Variants in SYNE2 observed in about 807,000 individuals in gnomAD.
The protein encoded by SYNE2 is spectrin repeat containing nuclear envelope protein 2.
A neutral mutation model predicts 856.3 loss-of-function variants in SYNE2; 431 were observed. That is an observed-to-expected ratio of 0.50 (90% CI 0.47 to 0.55). The LOEUF is 0.55. SYNE2 is among the 20% of genes least tolerant of loss of function. The pLI, the probability that SYNE2 is intolerant of heterozygous loss-of-function variation, is 0.00. For missense variants in SYNE2, 8,129 were observed against 8,023.2 expected, an observed-to-expected ratio of 1.01 and a Z score of -0.50; for synonymous variants, 2,923 against 2,872.3, an observed-to-expected ratio of 1.02 and a Z score of -0.56.
chr14:63,827,172 G>A (rs549462460), intron 1 of SYNE2, among the ~76,000 whole-genome samples: 2 of 151,938 alleles, frequency 1.3e-5, no homozygotes. Context: ...CAGCTACTTG[G>A]GAAGGTGACA....
At chr14:64,135,991 A>G (rs1284728375) in intron 78 of SYNE2, among the ~76,000 whole-genome samples, 2 of 152,176 alleles carry the variant, frequency 1.3e-5, no homozygotes, top group African/African-American at 2.4e-5. Flanking sequence ...TATCCCATGC[A>G]TACAATCGGT....
intron 1 of SYNE2, among the ~76,000 whole-genome samples, chr14:63,868,516 G>A (rs938881622): frequency 2.0e-5 from 3 of 150,750 alleles, no homozygotes; most frequent in African/African-American, 4.9e-5. Flanking sequence ...TGAAATCTTA[G>A]TAATAAACCC....
intron 1 of SYNE2, among the ~76,000 whole-genome samples, chr14:63,902,109 T>C (rs1478664801): frequency 6.6e-6 from 1 of 152,078 alleles, no homozygotes; most frequent in Admixed American, 6.5e-5. Context: ...TTATTCACTT[T>C]TAAGAGTAGT....
intron 102 of SYNE2, 152 bp downstream of exon 102, chr14:64,209,730 CTTTGCAAGACATTGCTGATG>C: frequency 8.1e-7 from 1 of 1,229,470 alleles, no homozygotes; most frequent in East Asian, 2.5e-5. Context: ...GCTGAGACAG[CTTTGCAAGACATTGCTGATG>C]TACTCCAGCT....
chr14:64,101,925 G>A lies in SYNE2; in HGVS notation c.12382-7G>A. On this transcript the variant is annotated splice_region_variant and splice_polypyrimidine_tract_variant and intron_variant, in intron 63 of 115. Coordinates refer to ENST00000555002, the MANE Select transcript of SYNE2 (RefSeq NM_182914.3). ...TCCCTTTGCTAACCAATCGTTTACT[G>A]TGATAGAATGGAGATGAGAAGGCAG... The A allele has an allele frequency of 6.2e-7, 1 of 1,607,994 alleles. No homozygotes were observed. The highest frequency in any genetic ancestry group is 8.5e-7 in the Non-Finnish European group (1 of 1,174,408).
intron 45 of SYNE2, among the ~76,000 whole-genome samples, chr14:64,032,763 G>A (rs2097050693): frequency 6.6e-6 from 1 of 152,136 alleles, no homozygotes. Context: ...GTAGAAGATG[G>A]GGTTTCTCTA....
intron 57 of SYNE2, among the ~76,000 whole-genome samples, chr14:64,085,868 TGTTGA>T (rs1337967219): frequency 6.6e-6 from 1 of 152,244 alleles, no homozygotes; most frequent in Non-Finnish European, 1.5e-5. Flanking sequence ...ATTGTCTTCT[TGTTGA>T]GTTGTAAGTT....
intron 103 of SYNE2, among the ~76,000 whole-genome samples, chr14:64,211,319 C>G (rs975364953): frequency 6.6e-6 from 1 of 152,228 alleles, no homozygotes; most frequent in African/African-American, 2.4e-5. Flanking sequence ...TGTGGCTAAT[C>G]TGCCTTCGTT....
Position 64,089,700 on chromosome 14 carries a change from A to G in SYNE2, c.11793+4A>G, listed in dbSNP as rs2097592556. The G allele has an allele frequency of 6.4e-7, 1 of 1,555,152 alleles. No homozygotes were observed. Among genetic ancestry groups the G allele is most frequent in the South Asian group, 1.1e-5 (1 of 89,002 alleles). On this transcript the variant is annotated splice_donor_region_variant and intron_variant, in intron 59 of 115. Coordinates refer to ENST00000555002, the MANE Select transcript of SYNE2 (RefSeq NM_182914.3). Reference sequence around the variant, plus strand: ...AGAACATCTCAAACATGGGGAGGTAAGCATAGATTATTATTTAAAGTATTT... The same window carrying G: ...AGAACATCTCAAACATGGGGAGGTAGGCATAGATTATTATTTAAAGTATTT...
intron 1 of SYNE2, among the ~76,000 whole-genome samples, chr14:63,897,920 G>A (rs1416504450): frequency 1.3e-5 from 2 of 152,140 alleles, no homozygotes; most frequent in Non-Finnish European, 2.9e-5. Context: ...GAGGAACAGC[G>A]AGCATGTTTT....
chr14:64,014,927 C>T (rs1192052369), intron 32 of SYNE2, among the ~76,000 whole-genome samples: 1 of 66,488 alleles, frequency 1.5e-5, no homozygotes, highest in African/African-American at 4.7e-5. Flanking sequence ...GTGTATAATT[C>T]CTTATATATA....
intron 6 of SYNE2, among the ~76,000 whole-genome samples, chr14:63,949,291 T>C (rs1244940029): frequency 3.9e-5 from 6 of 152,218 alleles, no homozygotes; most frequent in Non-Finnish European, 8.8e-5. Flanking sequence ...TATAATATAA[T>C]AAAAGCTATT....
intron 60 of SYNE2, 83 bp from the exon 61 acceptor site, chr14:64,093,266 T>C: frequency 6.5e-7 from 1 of 1,537,146 alleles, no homozygotes; most frequent in Non-Finnish European, 8.9e-7. Flanking sequence ...GATTAAAACT[T>C]CCATGGGGCT....
intron 1 of SYNE2, among the ~76,000 whole-genome samples, chr14:63,884,403 G>A (rs766581549): frequency 5.9e-5 from 9 of 152,126 alleles, no homozygotes; most frequent in Non-Finnish European, 1.2e-4. Flanking sequence ...CGTCTGCTTG[G>A]TACCTACTTT....
At chr14:63,893,935 T>C (rs1287772262) in intron 1 of SYNE2, among the ~76,000 whole-genome samples, 1 of 152,192 alleles carries the variant, frequency 6.6e-6, no homozygotes, top group African/African-American at 2.4e-5. Context: ...TCCAGCCAGC[T>C]TGGCTGGGAT....
rs1025958163 is a variant in SYNE2, at chr14:64,187,091, A to G, written c.17712+512A>G. On this transcript the variant is annotated intron_variant, in intron 97 of 115. Coordinates refer to ENST00000555002, the MANE Select transcript of SYNE2 (RefSeq NM_182914.3). ...CCTGTAAGAGAAATGATCAACTGCT[A>G]TGTTGTCTCAATGGATCACTTCAAC... Among the ~76,000 whole-genome samples, 7 of 152,348 alleles carry G rather than the reference A, an allele frequency of 4.6e-5. No individual in the cohort carries two copies. In the East Asian group the frequency reaches 1.2e-3, roughly 25 times the overall value.
At chr14:64,161,025 T>C (rs1237914129) in intron 87 of SYNE2, among the ~76,000 whole-genome samples, 1 of 152,144 alleles carries the variant, frequency 6.6e-6, no homozygotes, top group Non-Finnish European at 1.5e-5. Flanking sequence ...TTTCTTTTAT[T>C]ACTAACGTGG....
chr14:63,865,897 A>G, intron 1 of SYNE2, among the ~76,000 whole-genome samples: 1 of 152,064 alleles, frequency 6.6e-6, no homozygotes, highest in Non-Finnish European at 1.5e-5. Context: ...AAAAGGATTT[A>G]TGGATCTTCT....
At chr14:63,884,946 G>C (rs2094949860) in intron 1 of SYNE2, among the ~76,000 whole-genome samples, 1 of 152,114 alleles carries the variant, frequency 6.6e-6, no homozygotes, top group Admixed American at 6.6e-5. Flanking sequence ...GGCCGCCTTT[G>C]AAATATTTTA....
Sources: allele counts gnomAD v4.1 joint callset (sites outside exome capture counted in the v4.1 genomes callset), GRCh38; gene constraint gnomAD v4.1.1; transcripts MANE v1.5; gene names NCBI Gene and HGNC (gene_info 2026-07-23, HGNC 2026-07-21).